Variants in TBC1D5 observed in about 807,000 individuals in gnomAD.
The protein encoded by TBC1D5 is TBC1 domain family, member 5.
A neutral mutation model predicts 100.3 loss-of-function variants in TBC1D5; 75 were observed. The observed-to-expected ratio is 0.75, with a 90% CI of 0.62 to 0.91. The LOEUF is 0.91. Ranked by LOEUF, TBC1D5 falls within the 40% of genes least tolerant of loss-of-function variation. TBC1D5 has a pLI of 0.00. For synonymous variants in TBC1D5, 323 were observed against 325.6 expected (o/e 0.99, Z 0.09); for missense variants, 910 against 942.4 (o/e 0.97, Z 0.45).
At chr3:17,706,360 G>A in intron 1 of TBC1D5, 1 of 1,228,530 alleles carries the variant, frequency 8.1e-7, no homozygotes, top group Non-Finnish European at 1.1e-6. Flanking sequence ...ATATTTGAAG[G>A]AAAGCTAATC....
At chr3:17,664,062 C>CTGTT (rs549096896) in intron 1 of TBC1D5, among the ~76,000 whole-genome samples, 101 of 152,042 alleles carry the variant, frequency 6.6e-4, no homozygotes, top group East Asian at 4.5e-3. Context: ...TTTCTGTTTT[C>CTGTT]TGTTTGTTTG....
intron 1 of TBC1D5, among the ~76,000 whole-genome samples, chr3:17,645,541 G>A (rs376159719): frequency 3.3e-5 from 5 of 152,030 alleles, no homozygotes; most frequent in Admixed American, 1.3e-4. Flanking sequence ...GAATAGATGG[G>A]TGCATGAAAC....
chr3:17,632,097 A>C (rs888476753), intron 1 of TBC1D5, among the ~76,000 whole-genome samples: 4 of 152,214 alleles, frequency 2.6e-5, no homozygotes, highest in African/African-American at 9.7e-5. Flanking sequence ...AATCCCACAA[A>C]AAATATATCA....
intron 3 of TBC1D5, among the ~76,000 whole-genome samples, chr3:17,476,902 G>A (rs756767688): frequency 6.6e-6 from 1 of 151,904 alleles, no homozygotes; most frequent in Non-Finnish European, 1.5e-5. Context: ...AAGTGCGACT[G>A]ATTTTGCACA....
chr3:17,183,067 A>G (rs1402943173), intron 19 of TBC1D5, among the ~76,000 whole-genome samples: 1 of 152,138 alleles, frequency 6.6e-6, no homozygotes, highest in African/African-American at 2.4e-5. Flanking sequence ...CTCTGAGACA[A>G]CAGTCACTTT....
intron 1 of TBC1D5, among the ~76,000 whole-genome samples, chr3:17,727,867 A>T (rs1427630031): frequency 1.3e-5 from 2 of 152,250 alleles, no homozygotes. Context: ...TGTTTCGCTT[A>T]TGAATGACTA....
chr3:17,548,429 GT>G (rs1381705240), intron 2 of TBC1D5, among the ~76,000 whole-genome samples: 2 of 152,032 alleles, frequency 1.3e-5, no homozygotes, highest in Non-Finnish European at 2.9e-5. Context: ...ATCCCACAGT[GT>G]TTTTATCTCA....
intron 18 of TBC1D5, among the ~76,000 whole-genome samples, chr3:17,197,902 T>C (rs1482076295): frequency 1.3e-5 from 2 of 152,132 alleles, no homozygotes; most frequent in Non-Finnish European, 2.9e-5. Context: ...CTGGACATGG[T>C]GGCTCGCGCC....
At chr3:17,572,830 T>C (rs2096635843) in intron 2 of TBC1D5, among the ~76,000 whole-genome samples, 1 of 152,028 alleles carries the variant, frequency 6.6e-6, no homozygotes, top group East Asian at 1.9e-4. Flanking sequence ...CAAGTTTCTC[T>C]TTTCCCATCA....
chr3:17,467,307 T>A (rs1432139685), intron 3 of TBC1D5, among the ~76,000 whole-genome samples: 1 of 141,354 alleles, frequency 7.1e-6, no homozygotes, highest in Non-Finnish European at 1.5e-5. Flanking sequence ...TTTTTTTTGA[T>A]CTTTTTTTTA....
At chr3:17,231,538 ATACT>A (rs947969274) in intron 17 of TBC1D5, among the ~76,000 whole-genome samples, 47 of 152,182 alleles carry the variant, frequency 3.1e-4, no homozygotes, top group African/African-American at 1.0e-3. Context: ...AAAAGTATTG[ATACT>A]TACTTTATTT....
chr3:17,260,185 G>A (rs768382012), intron 15 of TBC1D5, among the ~76,000 whole-genome samples: 7 of 152,070 alleles, frequency 4.6e-5, no homozygotes, highest in African/African-American at 7.2e-5. Flanking sequence ...CAGGACTATC[G>A]CTCATGACTA....
intron 4 of TBC1D5, among the ~76,000 whole-genome samples, chr3:17,423,945 C>T (rs1300216451): frequency 1.3e-5 from 2 of 151,914 alleles, no homozygotes; most frequent in Admixed American, 1.3e-4. Context: ...AAGTTTACCA[C>T]AAATTTTTGG....
Position 17,731,295 on chromosome 3 carries a change from G to A in TBC1D5, c.-101+8048C>T, listed in dbSNP as rs13315493. 9.2e-4 allele frequency among the ~76,000 whole-genome samples: 140 copies of A among 152,208 alleles called. 1 individual carries two copies. The highest frequency in any genetic ancestry group is 3.2e-3 in the African/African-American group (133 of 41,538). ...AGGCGGGCGGATCACGAGGTCAAGA[G>A]ATTGAGACCATCCTCGCCAACATGG... On this transcript the variant is annotated intron_variant, in intron 1 of 21. Coordinates refer to ENST00000253692, the Ensembl canonical transcript of TBC1D5.
chr3:17,225,681 A>G (rs2074812652), intron 17 of TBC1D5, among the ~76,000 whole-genome samples: 2 of 151,976 alleles, frequency 1.3e-5, no homozygotes, highest in Non-Finnish European at 2.9e-5. Context: ...CATTTCTACA[A>G]TAAAAATGAA....
At chr3:17,646,294 CT>C (rs2065008160) in intron 1 of TBC1D5, among the ~76,000 whole-genome samples, 1 of 152,136 alleles carries the variant, frequency 6.6e-6, no homozygotes. Context: ...TTAGCCTACA[CT>C]TTGATTTCTG....
chr3:17,176,594 GAAC>G (rs1234254041), intron 19 of TBC1D5, among the ~76,000 whole-genome samples: 1 of 152,114 alleles, frequency 6.6e-6, no homozygotes, highest in Non-Finnish European at 1.5e-5. Context: ...AGAGGGAGCT[GAAC>G]AACGAGAGCA....
chr3:17,171,909 T>C (rs1425562239), intron 19 of TBC1D5, among the ~76,000 whole-genome samples: 3 of 152,152 alleles, frequency 2.0e-5, no homozygotes, highest in Non-Finnish European at 4.4e-5. Flanking sequence ...TGCTCTGGCC[T>C]GATGTGCAAC....
intron 2 of TBC1D5, among the ~76,000 whole-genome samples, chr3:17,573,509 A>G (rs917221648): frequency 6.6e-6 from 1 of 151,994 alleles, no homozygotes; most frequent in Non-Finnish European, 1.5e-5. Flanking sequence ...GGAAAAAAGA[A>G]AAAAAAAGCC....
Sources: gnomAD v4.1 joint callset for allele counts (sites outside exome capture counted in the v4.1 genomes callset) on GRCh38, gnomAD v4.1.1 for gene constraint, MANE v1.5 for transcripts, NCBI Gene and HGNC (gene_info 2026-07-23, HGNC 2026-07-21) for gene names.